RBFOX1: variants seen among roughly 807,000 people sequenced by gnomAD.
RBFOX1 encodes the protein RNA binding fox-1 homolog 1.
RBFOX1 carries 8 observed loss-of-function variants against 57.7 expected under a neutral mutation model. The observed-to-expected ratio is 0.14, with a 90% CI of 0.08 to 0.25. RBFOX1 has a LOEUF of 0.25. Among genes scored for constraint, RBFOX1 ranks in the 10% least tolerant of loss-of-function variants. The pLI is 1.00. For missense variants in RBFOX1, 611 were observed against 548.5 expected (o/e 1.11, Z -1.14); for synonymous variants, 326 against 222.4 (o/e 1.47, Z -4.15).
intron 4 of RBFOX1, among the ~76,000 whole-genome samples, chr16:7,440,666 C>T (rs2098758888): frequency 6.6e-6 from 1 of 152,120 alleles, no homozygotes; most frequent in Non-Finnish European, 1.5e-5. Flanking sequence ...CTCCAAGACT[C>T]AGGTGAATGA....
chr16:7,626,419 G>A (rs544616643), intron 10 of RBFOX1, among the ~76,000 whole-genome samples: 1 of 152,312 alleles, frequency 6.6e-6, no homozygotes, highest in Admixed American at 6.5e-5. Flanking sequence ...AATCCTGCTG[G>A]AGAGTGGCTG....
chr16:7,326,537 C>T (rs1280093194), intron 4 of RBFOX1, among the ~76,000 whole-genome samples: 2 of 152,120 alleles, frequency 1.3e-5, no homozygotes, highest in Non-Finnish European at 2.9e-5. Flanking sequence ...GCATTGAAAA[C>T]ATTCTGAAGA....
At chr16:5,455,708 G>A (rs1240595647) in intron 1 of RBFOX1, among the ~76,000 whole-genome samples, 9 of 152,072 alleles carry the variant, frequency 5.9e-5, no homozygotes, top group Non-Finnish European at 2.9e-5. Flanking sequence ...GCCCTTTAGC[G>A]GTCACTTTCA....
chr16:5,751,803 T>C (rs1187314119), intron 3 of RBFOX1, among the ~76,000 whole-genome samples: 1 of 152,236 alleles, frequency 6.6e-6, no homozygotes, highest in Non-Finnish European at 1.5e-5. Context: ...CCCATTTTAA[T>C]GGTTTTTTAT....
chr16:5,524,818 G>A (rs984448192), intron 2 of RBFOX1, among the ~76,000 whole-genome samples: 3 of 152,104 alleles, frequency 2.0e-5, no homozygotes, highest in African/African-American at 7.2e-5. Context: ...TGGGATTACA[G>A]GCGTGAGACA....
At chr16:6,371,603 GC>G (rs980218053) in intron 2 of RBFOX1, among the ~76,000 whole-genome samples, 1 of 151,762 alleles carries the variant, frequency 6.6e-6, no homozygotes, top group African/African-American at 2.4e-5. Context: ...GACTTTTCTT[GC>G]CCCAGTCCTA....
chr16:5,413,408 C>T (rs1329950963), intron 1 of RBFOX1, among the ~76,000 whole-genome samples: 1 of 152,174 alleles, frequency 6.6e-6, no homozygotes, highest in Non-Finnish European at 1.5e-5. Flanking sequence ...GCATCCAATA[C>T]ATATCCGTGG....
At chr16:5,840,407 A>G (rs1304820019) in intron 3 of RBFOX1, among the ~76,000 whole-genome samples, 6 of 152,172 alleles carry the variant, frequency 3.9e-5, no homozygotes. Context: ...AGATGAGGTG[A>G]GGCTGTGTGC....
rs1357088978 is a variant in RBFOX1 at position 6,921,963 on chromosome 16, T to G, written c.-15-130094T>G. On this transcript the variant is annotated intron_variant, in intron 3 of 15. Coordinates refer to ENST00000550418, the MANE Select transcript of RBFOX1 (RefSeq NM_018723.4). ...TTAGCTTCTGCACACCACTGAAATA[T>G]TGTATGAATTAGAATATACACAGAA... 2.0e-5 allele frequency among the ~76,000 whole-genome samples: 3 copies of G among 152,138 alleles called. No individual in the cohort carries two copies. In the East Asian group the frequency reaches 5.8e-4, roughly 29 times the overall value.
chr16:6,650,990 C>T (rs142504954), intron 2 of RBFOX1, among the ~76,000 whole-genome samples: 2 of 152,320 alleles, frequency 1.3e-5, no homozygotes, highest in East Asian at 3.9e-4. Flanking sequence ...GCATCCTCCG[C>T]CTTCCCGGTT....
At chr16:6,050,645 A>G (rs1487864520) in intron 1 of RBFOX1, among the ~76,000 whole-genome samples, 2 of 152,050 alleles carry the variant, frequency 1.3e-5, no homozygotes, top group African/African-American at 2.4e-5. Flanking sequence ...AGGGGTTGCA[A>G]TTTAGTGACA....
At chr16:7,065,515 C>G (rs1323903271) in intron 4 of RBFOX1, among the ~76,000 whole-genome samples, 2 of 152,018 alleles carry the variant, frequency 1.3e-5, no homozygotes. Flanking sequence ...CTTTTTAATA[C>G]CATTTTTCTA....
chr16:5,380,797 AG>A (rs2066111477), intron 1 of RBFOX1, among the ~76,000 whole-genome samples: 1 of 152,248 alleles, frequency 6.6e-6, no homozygotes, highest in African/African-American at 2.4e-5. Flanking sequence ...CTGTGATGAA[AG>A]GGACTTTTGC....
intron 2 of RBFOX1, among the ~76,000 whole-genome samples, chr16:5,518,618 C>T (rs1001727833): frequency 1.3e-5 from 2 of 152,146 alleles, no homozygotes; most frequent in South Asian, 4.1e-4. Context: ...GTTTGAAGTC[C>T]AGGACCAGAC....
At chr16:5,503,855 C>T (rs2043285631) in intron 2 of RBFOX1, among the ~76,000 whole-genome samples, 1 of 152,232 alleles carries the variant, frequency 6.6e-6, no homozygotes, top group South Asian at 2.1e-4. Flanking sequence ...TATCAAACCC[C>T]TATTGTCTGG....
At position 7,488,547 on chromosome 16, in the gene RBFOX1, T is replaced by C. The variant is rs2066031870; in HGVS notation, c.28-29600T>C. ...TACTATCTACCTGTCATTCTGTCTATACATACATCAATCCATCATATGTTT... is the reference window on the plus strand; with the variant it reads ...TACTATCTACCTGTCATTCTGTCTACACATACATCAATCCATCATATGTTT... On this transcript the variant is annotated intron_variant, in intron 4 of 15. Coordinates refer to ENST00000550418, the MANE Select transcript of RBFOX1 (RefSeq NM_018723.4). Among the ~76,000 whole-genome samples the C allele has an allele frequency of 2.7e-5, 4 of 148,960 alleles. No individual in the cohort carries two copies. The Admixed American group carries it at 2.8e-4, about 10-fold the overall frequency.
chr16:6,723,816 G>C (rs1249245155), intron 3 of RBFOX1: 1 of 151,890 alleles, frequency 6.6e-6, no homozygotes, highest in East Asian at 1.9e-4. Context: ...ACGTACTCAA[G>C]ATCTTAGCTT....
chr16:7,421,501 C>G (rs1420346936), intron 4 of RBFOX1, among the ~76,000 whole-genome samples: 2 of 152,198 alleles, frequency 1.3e-5, no homozygotes, highest in Non-Finnish European at 2.9e-5. Flanking sequence ...TGACATTTCC[C>G]AGGCACAGCC....
intron 2 of RBFOX1, among the ~76,000 whole-genome samples, chr16:5,540,836 A>G (rs2044909214): frequency 6.6e-6 from 1 of 151,932 alleles, no homozygotes; most frequent in South Asian, 2.1e-4. Flanking sequence ...CTAAATCTGA[A>G]TCTGCAGTTT....
Sources: allele counts gnomAD v4.1 joint callset (sites outside exome capture counted in the v4.1 genomes callset), GRCh38; gene constraint gnomAD v4.1.1; transcripts MANE v1.5; gene names NCBI Gene and HGNC (gene_info 2026-07-23, HGNC 2026-07-21).